Variants in AFF1 observed in about 807,000 individuals in gnomAD.
AFF1 encodes the protein ALF transcription elongation factor 1, also known as AF4/FMR2 family member 1.
A neutral mutation model predicts 121.7 loss-of-function variants in AFF1; 48 were observed. The observed-to-expected ratio is 0.39, with a 90% confidence interval of 0.31 to 0.50. The LOEUF (loss-of-function observed/expected upper bound fraction) is 0.50. Among genes scored for constraint, AFF1 ranks in the 20% least tolerant of loss-of-function variants. The probability of loss-of-function intolerance (pLI) is 0.76; values close to 1 mark genes in which losing one functional copy is unlikely to be tolerated. For missense variants in AFF1, 1,523 were observed against 1,511.7 expected (o/e 1.01, Z -0.12); for synonymous variants, 613 against 563.0 (o/e 1.09, Z -1.26).
Position 86,951,216 on chromosome 4 carries a change from A to G in AFF1, c.38+2645A>G, listed in dbSNP as rs74854900. Reference sequence around the variant, plus strand: ...CTTTTAAGCGGAACACAGGCTTTCTAATTCAGAACTTCCCAATTGGTGTGC... The same window carrying G: ...CTTTTAAGCGGAACACAGGCTTTCTGATTCAGAACTTCCCAATTGGTGTGC... On this transcript the variant is annotated intron_variant, in intron 2 of 20. Coordinates refer to ENST00000395146, the MANE Select transcript of AFF1 (RefSeq NM_001166693.3). Among the ~76,000 whole-genome samples, 388 of 152,302 alleles carry G rather than the reference A, an allele frequency of 2.5e-3. 5 individuals are homozygous for G. Among genetic ancestry groups the G allele is most frequent in the African/African-American group, 8.1e-3 (338 of 41,558 alleles).
intron 4 of AFF1, among the ~76,000 whole-genome samples, chr4:87,053,351 C>G (rs939347999): frequency 1.3e-5 from 2 of 152,204 alleles, no homozygotes; most frequent in African/African-American, 2.4e-5. Context: ...CACTTTGATT[C>G]ATTGCAGCTC....
chr4:86,973,724 CTTTTT>C (rs1476964309), intron 2 of AFF1: 3 of 152,010 alleles, frequency 2.0e-5, no homozygotes, highest in Non-Finnish European at 2.9e-5. Context: ...CTTTTCTTTT[CTTTTT>C]TCCTTTCTCT....
At chr4:86,977,431 T>G (rs937433351) in intron 2 of AFF1, among the ~76,000 whole-genome samples, 1 of 152,170 alleles carries the variant, frequency 6.6e-6, no homozygotes, top group East Asian at 1.9e-4. Context: ...TGGATGACTG[T>G]GGGTAACTGA....
At chr4:86,975,850 A>G (rs1578879197) in intron 2 of AFF1, among the ~76,000 whole-genome samples, 1 of 152,180 alleles carries the variant, frequency 6.6e-6, no homozygotes. Flanking sequence ...GTGAAGGGGG[A>G]AAAGCCCCTT....
At chr4:86,974,687 T>C (rs1251684779) in intron 2 of AFF1, among the ~76,000 whole-genome samples, 1 of 152,228 alleles carries the variant, frequency 6.6e-6, no homozygotes, top group African/African-American at 2.4e-5. Context: ...GCAATAGTCA[T>C]GTAAAATATT....
intron 12 of AFF1, among the ~76,000 whole-genome samples, chr4:87,122,379 G>C (rs1163804155): frequency 6.6e-6 from 1 of 152,158 alleles, no homozygotes; most frequent in Non-Finnish European, 1.5e-5. Flanking sequence ...ATTATTCACT[G>C]TCTCTCAAGT....
intron 5 of AFF1, among the ~76,000 whole-genome samples, chr4:87,087,687 G>T (rs1366310604): frequency 6.7e-6 from 1 of 150,052 alleles, no homozygotes; most frequent in Non-Finnish European, 1.5e-5. Context: ...AATCCTTTCA[G>T]ACTACCAGGG....
intron 11 of AFF1, among the ~76,000 whole-genome samples, chr4:87,111,010 TTA>T (rs1491542660): frequency 4.1e-5 from 1 of 24,610 alleles, no homozygotes; most frequent in African/African-American, 1.5e-4. Context: ...TTTTTTTTTT[TTA>T]TTTTTTTTTT....
At chr4:87,010,267 G>C (rs1726602097) in intron 2 of AFF1, among the ~76,000 whole-genome samples, 1 of 152,174 alleles carries the variant, frequency 6.6e-6, no homozygotes. Context: ...GCAATTAAAT[G>C]CTTTTAAAAT....
chr4:87,000,652 T>C (rs1578029410), intron 2 of AFF1, among the ~76,000 whole-genome samples: 1 of 128,304 alleles, frequency 7.8e-6, no homozygotes, highest in South Asian at 2.6e-4. Flanking sequence ...GCAGAGGAAG[T>C]GGGGGAACTT....
At chr4:86,955,237 G>A (rs1435977320) in intron 2 of AFF1, among the ~76,000 whole-genome samples, 1 of 152,166 alleles carries the variant, frequency 6.6e-6, no homozygotes, top group Non-Finnish European at 1.5e-5. Flanking sequence ...AAGGAAAATC[G>A]TGTCTAGGAT....
rs1004788369 is a variant in AFF1, at chr4:86,963,138, C to T, written c.38+14567C>T. ...CTAAGATCACACTACTGTACTCCAG[C>T]CTGGGTGACAGAGTGAGACTCCCAT... On this transcript the variant is annotated intron_variant, in intron 2 of 20. Transcript: ENST00000395146. Among the ~76,000 whole-genome samples the T allele has an allele frequency of 2.4e-5, 3 of 126,992 alleles. 1 individual carries two copies. The highest frequency in any genetic ancestry group is 5.4e-4 in the South Asian group (2 of 3,704). The allele number at this position is 126,992 out of a possible 152,430, so 83.3% of individuals were successfully genotyped here. A position where few individuals can be genotyped will look rare whatever the true frequency, so the allele number is the denominator to read the frequency against.
rs1285954462 is a variant in AFF1, at chr4:86,948,511, C to T, written c.-23C>T. On this transcript the variant is annotated 5_prime_UTR_variant, in exon 2 of 21. Coordinates refer to ENST00000395146, the MANE Select transcript of AFF1 (RefSeq NM_001166693.3). Reference sequence around the variant, plus strand: ...TTTCTCTTTCAGATGAACAGACTAGCCACTTTGCATTGACTGGAAACAATG... The same window carrying T: ...TTTCTCTTTCAGATGAACAGACTAGTCACTTTGCATTGACTGGAAACAATG... 1.3e-6 allele frequency: 2 copies of T among 1,536,072 alleles called. No homozygotes were observed. The highest frequency in any genetic ancestry group is 2.0e-5 in the Admixed American group (1 of 50,950).
chr4:87,024,623 G>A (rs1038803357), intron 2 of AFF1, among the ~76,000 whole-genome samples: 2 of 152,052 alleles, frequency 1.3e-5, no homozygotes, highest in Non-Finnish European at 2.9e-5. Flanking sequence ...TCAGAGTCTT[G>A]TTCTGTCTTC....
intron 9 of AFF1, 39 bp from the exon 10 acceptor site, chr4:87,105,769 C>A (rs1725852263): frequency 1.2e-6 from 2 of 1,613,742 alleles, no homozygotes; most frequent in South Asian, 2.2e-5. Flanking sequence ...GTTTTTTGTT[C>A]TTTTCCTGGT....
chr4:86,998,982 A>G (rs1433504353), intron 2 of AFF1, among the ~76,000 whole-genome samples: 1 of 152,162 alleles, frequency 6.6e-6, no homozygotes, highest in Admixed American at 6.5e-5. Context: ...GCCAGGAGGA[A>G]TGGAGTGGGT....
At chr4:87,040,052 C>T (rs552065648) in intron 2 of AFF1, among the ~76,000 whole-genome samples, 3 of 152,196 alleles carry the variant, frequency 2.0e-5, no homozygotes, top group South Asian at 2.1e-4. Context: ...CCACTACGCC[C>T]GGTTAATTTT....
rs940529305 is a variant in AFF1 at position 87,125,158 on chromosome 4, T to G, written c.2573+15T>G. On this transcript the variant is annotated intron_variant, in intron 13 of 20. Coordinates refer to ENST00000395146, the MANE Select transcript of AFF1 (RefSeq NM_001166693.3). ...TCTAAAACAAAGTGAGTATAGAGAT[T>G]AGCAACCACCTAATCTACGGTGATC... 1 of 1,592,492 alleles carries G rather than the reference T, an allele frequency of 6.3e-7. No homozygotes were observed. Among genetic ancestry groups the G allele is most frequent in the South Asian group, 1.1e-5 (1 of 88,572 alleles).
intron 4 of AFF1, among the ~76,000 whole-genome samples, chr4:87,056,936 A>G (rs915670153): frequency 6.6e-6 from 1 of 152,170 alleles, no homozygotes; most frequent in Non-Finnish European, 1.5e-5. Flanking sequence ...TTACTGAGAG[A>G]TTTAGAGGTA....
Sources: gnomAD v4.1 joint callset for allele counts (sites outside exome capture counted in the v4.1 genomes callset) on GRCh38, gnomAD v4.1.1 for gene constraint, MANE v1.5 for transcripts, NCBI Gene and HGNC (gene_info 2026-07-23, HGNC 2026-07-21) for gene names.